The following MACROD2 variants were observed in gnomAD, a reference collection of about 807,000 sequenced individuals.
MACROD2 encodes the protein mono-ADP ribosylhydrolase 2, also known as ADP-ribose glycohydrolase MACROD2.
MACROD2 carries 36 observed loss-of-function variants against 70.4 expected under a neutral mutation model. That is an observed-to-expected ratio of 0.51 (90% CI 0.39 to 0.68). The LOEUF is 0.68. Ranked by LOEUF, MACROD2 falls within the 30% of genes least tolerant of loss-of-function variation. The probability of loss-of-function intolerance (pLI) is 0.00; values close to 1 mark genes in which losing one functional copy is unlikely to be tolerated. For missense variants in MACROD2, 496 were observed against 538.4 expected (o/e 0.92, Z 0.78); for synonymous variants, 172 against 178.8 (o/e 0.96, Z 0.30).
At chr20:14,949,007 A>G (rs966399713) in intron 5 of MACROD2, among the ~76,000 whole-genome samples, 19 of 152,178 alleles carry the variant, frequency 1.2e-4, no homozygotes, top group African/African-American at 4.6e-4. Context: ...TCTCTCCTCC[A>G]TTCTGAGATA....
At chr20:14,071,097 A>C (rs1252449690) in intron 2 of MACROD2, among the ~76,000 whole-genome samples, 2 of 152,124 alleles carry the variant, frequency 1.3e-5, no homozygotes, top group Non-Finnish European at 2.9e-5. Flanking sequence ...TCCCATAGGG[A>C]AAGTGATGAA....
At chr20:14,082,177 C>CTTTTTTTTTTT (rs66918191) in intron 2 of MACROD2, among the ~76,000 whole-genome samples, 2,132 of 92,912 alleles carry the variant, frequency 0.023, 12 homozygotes, top group Non-Finnish European at 0.027. Context: ...CTTTTTTTTT[C>CTTTTTTTTTTT]TTTTTTTTTT....
intron 6 of MACROD2, among the ~76,000 whole-genome samples, chr20:15,373,319 A>G (rs1015402926): frequency 1.3e-5 from 2 of 152,122 alleles, no homozygotes; most frequent in Non-Finnish European, 2.9e-5. Context: ...AACCCCATAT[A>G]TCTTATTTAT....
chr20:15,922,374 T>A (rs1049095457), intron 10 of MACROD2, among the ~76,000 whole-genome samples: 1 of 152,232 alleles, frequency 6.6e-6, no homozygotes, highest in African/African-American at 2.4e-5. Context: ...TAGATCAAAG[T>A]AGTATCATTT....
At chr20:14,661,961 G>C (rs1371127171) in intron 4 of MACROD2, among the ~76,000 whole-genome samples, 1 of 152,106 alleles carries the variant, frequency 6.6e-6, no homozygotes, top group Non-Finnish European at 1.5e-5. Context: ...ATAAGCAATT[G>C]TGAGAAACGG....
chr20:14,757,626 T>C, intron 5 of MACROD2: 2 of 1,195,290 alleles, frequency 1.7e-6, no homozygotes, highest in Non-Finnish European at 2.5e-6. Context: ...GGAGTCATGG[T>C]GGCCAAGGAC....
intron 3 of MACROD2, among the ~76,000 whole-genome samples, chr20:14,185,104 T>C (rs1016021877): frequency 2.0e-5 from 3 of 152,006 alleles, no homozygotes; most frequent in African/African-American, 7.2e-5. Flanking sequence ...TGTGTGTAGA[T>C]GCTCAATAAT....
chr20:14,866,482 G>GT (rs2073429138), intron 5 of MACROD2, among the ~76,000 whole-genome samples: 1 of 152,030 alleles, frequency 6.6e-6, no homozygotes, highest in African/African-American at 2.4e-5. Context: ...ATTTTTTTAA[G>GT]TTGCAGTGGA....
At chr20:15,288,715 C>G (rs568284237) in intron 6 of MACROD2, among the ~76,000 whole-genome samples, 1 of 152,068 alleles carries the variant, frequency 6.6e-6, no homozygotes, top group Non-Finnish European at 1.5e-5. Context: ...GCCTGATTCT[C>G]AGGCCTTTGG....
intron 6 of MACROD2, among the ~76,000 whole-genome samples, chr20:15,302,736 TA>T (rs1278031623): frequency 4.6e-5 from 7 of 152,320 alleles, no homozygotes; most frequent in African/African-American, 1.7e-4. Context: ...GATGGCCTTC[TA>T]AAAAAACTGT....
intron 5 of MACROD2, among the ~76,000 whole-genome samples, chr20:14,981,575 T>G (rs763880168): frequency 2.6e-5 from 4 of 151,974 alleles, no homozygotes; most frequent in Non-Finnish European, 5.9e-5. Flanking sequence ...GGTAATTGAA[T>G]CATGGGGGCA....
rs202242728 is a variant in MACROD2 at position 14,942,196 on chromosome 20, G to T, written c.418+257237G>T. Among the ~76,000 whole-genome samples the T allele has an allele frequency of 4.6e-5, 7 of 151,942 alleles. No individual in the cohort carries two copies. In the East Asian group the frequency reaches 1.4e-3, roughly 29 times the overall value. On this transcript the variant is annotated intron_variant, in intron 5 of 17. Coordinates refer to ENST00000684519, the MANE Select transcript of MACROD2 (RefSeq NM_001351661.2). ...ACTTATTATCTATCATTAAATATCT[G>T]ATATCAATCATTTTGTGCTTTTAAA...
chr20:14,744,544 T>C (rs1446526162), intron 5 of MACROD2, among the ~76,000 whole-genome samples: 1 of 152,150 alleles, frequency 6.6e-6, no homozygotes, highest in Non-Finnish European at 1.5e-5. Flanking sequence ...AAACTTACAA[T>C]GTAGTAGCTT....
intron 8 of MACROD2, among the ~76,000 whole-genome samples, chr20:15,533,453 T>C (rs2047830632): frequency 6.6e-6 from 1 of 152,134 alleles, no homozygotes; most frequent in South Asian, 2.1e-4. Flanking sequence ...TACGGGGTAC[T>C]TTAAGTGTAG....
intron 16 of MACROD2, 108 bp from the exon 17 acceptor site, chr20:16,044,463 A>C (rs1423921175): frequency 1.1e-6 from 1 of 870,440 alleles, no homozygotes; most frequent in African/African-American, 1.7e-5. Flanking sequence ...AATGGAAAAG[A>C]GGCATCAAAT....
chr20:15,131,680 G>C (rs1260089679), intron 5 of MACROD2, among the ~76,000 whole-genome samples: 1 of 152,004 alleles, frequency 6.6e-6, no homozygotes, highest in Non-Finnish European at 1.5e-5. Context: ...TCTCTTTTTA[G>C]ACATTGAACT....
rs187032409 is a variant in MACROD2 at position 15,821,499 on chromosome 20, G to A, written c.646-41246G>A. ...CTTTGCATTAAATACAGTCTGGGCC[G>A]GATTTGGAAATGCTAACTTTTAGTT... On this transcript the variant is annotated intron_variant, in intron 8 of 17. Transcript: ENST00000684519. 8.5e-5 allele frequency among the ~76,000 whole-genome samples: 13 copies of A among 152,152 alleles called. No individual in the cohort carries two copies. In the East Asian group the frequency reaches 1.5e-3, roughly 18 times the overall value.
intron 8 of MACROD2, among the ~76,000 whole-genome samples, chr20:15,810,270 G>A (rs1190933488): frequency 6.6e-6 from 1 of 151,544 alleles, no homozygotes; most frequent in Non-Finnish European, 1.5e-5. Flanking sequence ...ATCATTGTTG[G>A]ACATTTGGGT....
chr20:14,662,435 T>G (rs1186648935), intron 4 of MACROD2, among the ~76,000 whole-genome samples: 1 of 151,386 alleles, frequency 6.6e-6, no homozygotes, highest in Non-Finnish European at 1.5e-5. Context: ...CAGGAAAATA[T>G]TTTATGACGA....
Sources: gnomAD v4.1 joint callset for allele counts (sites outside exome capture counted in the v4.1 genomes callset) on GRCh38, gnomAD v4.1.1 for gene constraint, MANE v1.5 for transcripts, NCBI Gene and HGNC (gene_info 2026-07-23, HGNC 2026-07-21) for gene names.